The following KCNJ6 variants were observed in gnomAD, a reference collection of about 807,000 sequenced individuals.
The protein encoded by KCNJ6 is potassium inwardly rectifying channel subfamily J member 6, also known as G protein-activated inward rectifier potassium channel 2.
A neutral mutation model predicts 34.2 loss-of-function variants in KCNJ6; 9 were observed. That is an observed-to-expected ratio of 0.26 (90% CI 0.16 to 0.46). KCNJ6 has a LOEUF of 0.46. Among genes scored for constraint, KCNJ6 ranks in the 20% least tolerant of loss-of-function variants. The probability of loss-of-function intolerance (pLI) is 1.00; values close to 1 mark genes in which losing one functional copy is unlikely to be tolerated. For missense variants in KCNJ6, 236 were observed against 531.3 expected (o/e 0.44, Z 5.46); for synonymous variants, 196 against 207.1 (o/e 0.95, Z 0.46).
intron 2 of KCNJ6, among the ~76,000 whole-genome samples, chr21:37,724,259 G>A (rs995659082): frequency 3.9e-5 from 6 of 152,078 alleles, no homozygotes; most frequent in Admixed American, 1.3e-4. Context: ...AGAGCCAGAC[G>A]GTAAATACTT....
chr21:37,836,046 A>T (rs1366869318), intron 2 of KCNJ6, among the ~76,000 whole-genome samples: 2 of 152,254 alleles, frequency 1.3e-5, no homozygotes, highest in African/African-American at 2.4e-5. Context: ...TTTACACGAA[A>T]AAAACAAACA....
chr21:37,882,922 G>A (rs543689617), intron 1 of KCNJ6, among the ~76,000 whole-genome samples: 139 of 152,334 alleles, frequency 9.1e-4, no homozygotes, highest in African/African-American at 3.3e-3. Context: ...GCAAACAAGT[G>A]GGCATGCACA....
At chr21:37,709,525 AAAG>A (rs745812815) in intron 3 of KCNJ6, among the ~76,000 whole-genome samples, 128 of 151,416 alleles carry the variant, frequency 8.5e-4, no homozygotes, top group East Asian at 3.1e-3. Context: ...AAAAAAAAGA[AAAG>A]AAAAGAAAAG....
chr21:37,712,572 T>TC (rs1313936362), intron 3 of KCNJ6, among the ~76,000 whole-genome samples: 1 of 80,410 alleles, frequency 1.2e-5, no homozygotes, highest in Non-Finnish European at 2.4e-5. Flanking sequence ...CTTCTCCTCC[T>TC]CTTCTTCCTC....
At chr21:37,779,399 T>G (rs1007826821) in intron 2 of KCNJ6, among the ~76,000 whole-genome samples, 1 of 152,192 alleles carries the variant, frequency 6.6e-6, no homozygotes, top group Non-Finnish European at 1.5e-5. Context: ...TTTCAAGGTA[T>G]AGCAATGAGA....
intron 1 of KCNJ6, among the ~76,000 whole-genome samples, chr21:37,874,151 A>C (rs539609834): frequency 2.6e-5 from 4 of 152,130 alleles, no homozygotes; most frequent in Non-Finnish European, 4.4e-5. Flanking sequence ...CTGGGCCCGC[A>C]GTAGCACCCA....
At chr21:37,663,548 G>T (rs2054499796) in intron 3 of KCNJ6, among the ~76,000 whole-genome samples, 1 of 151,986 alleles carries the variant, frequency 6.6e-6, no homozygotes, top group African/African-American at 2.4e-5. Context: ...TAAAATAATA[G>T]GAAGGGATAT....
At chr21:37,733,395 G>A (rs563303515) in intron 2 of KCNJ6, among the ~76,000 whole-genome samples, 5 of 152,238 alleles carry the variant, frequency 3.3e-5, no homozygotes, top group East Asian at 3.9e-4. Flanking sequence ...TTGAGCTCTC[G>A]GAGATGGGCA....
chr21:37,626,283 G>A (rs149454100), intron 3 of KCNJ6, among the ~76,000 whole-genome samples: 530 of 151,970 alleles, frequency 3.5e-3, no homozygotes, highest in Middle Eastern at 0.017. Flanking sequence ...GGTGCACACC[G>A]CCATGTCCGA....
At chr21:37,754,606 C>T (rs2055014340) in intron 2 of KCNJ6, among the ~76,000 whole-genome samples, 1 of 152,218 alleles carries the variant, frequency 6.6e-6, no homozygotes, top group Non-Finnish European at 1.5e-5. Flanking sequence ...CATCATGAGC[C>T]TCAATGGACT....
At chr21:37,694,290 A>T (rs2054654125) in intron 3 of KCNJ6, among the ~76,000 whole-genome samples, 1 of 152,164 alleles carries the variant, frequency 6.6e-6, no homozygotes, top group Non-Finnish European at 1.5e-5. Flanking sequence ...GCCTCCCATC[A>T]CCTTCACTCA....
intron 3 of KCNJ6, among the ~76,000 whole-genome samples, chr21:37,691,435 C>T (rs1033096476): frequency 6.6e-6 from 1 of 152,166 alleles, no homozygotes; most frequent in Admixed American, 6.5e-5. Flanking sequence ...CATTTTGACA[C>T]CCTCCCAGCC....
intron 1 of KCNJ6, among the ~76,000 whole-genome samples, chr21:37,913,040 T>C (rs986775806): frequency 3.3e-5 from 5 of 152,212 alleles, no homozygotes; most frequent in African/African-American, 1.2e-4. Flanking sequence ...CAATTCAAAG[T>C]ATACCTTGTA....
chr21:37,779,226 T>A (rs1194801223), intron 2 of KCNJ6, among the ~76,000 whole-genome samples: 1 of 151,856 alleles, frequency 6.6e-6, no homozygotes, highest in African/African-American at 2.4e-5. Context: ...ACTAGAAGAG[T>A]CCTGTGAGGT....
chr21:37,682,635 C>A (rs1292665800), intron 3 of KCNJ6, among the ~76,000 whole-genome samples: 1 of 152,158 alleles, frequency 6.6e-6, no homozygotes, highest in Non-Finnish European at 1.5e-5. Flanking sequence ...AGACCCCTAA[C>A]CTAATTACAT....
Position 37,833,214 on chromosome 21 carries a change from C to A in KCNJ6, c.25+7444G>T, listed in dbSNP as rs369446233. 2.9e-3 allele frequency among the ~76,000 whole-genome samples: 435 copies of A among 152,162 alleles called. 2 individuals are homozygous for A. The highest frequency in any genetic ancestry group is 0.01 in the African/African-American group (423 of 41,512). ...ATTTTTAGTGGAGACGGGGTTTCAC[C>A]ATGTTGGCCAGGCTGGTCTCGAACT... is the stretch of plus-strand genomic sequence containing the variant. On this transcript the variant is annotated intron_variant, in intron 2 of 3. Coordinates refer to ENST00000609713, the MANE Select transcript of KCNJ6 (RefSeq NM_002240.5).
At chr21:37,900,153 C>A (rs2055809526) in intron 1 of KCNJ6, among the ~76,000 whole-genome samples, 1 of 152,202 alleles carries the variant, frequency 6.6e-6, no homozygotes, top group African/African-American at 2.4e-5. Flanking sequence ...AAAGTGCCTA[C>A]CCTTTTTACC....
At chr21:37,899,921 C>T (rs2055808409) in intron 1 of KCNJ6, among the ~76,000 whole-genome samples, 1 of 152,170 alleles carries the variant, frequency 6.6e-6, no homozygotes, top group Non-Finnish European at 1.5e-5. Flanking sequence ...TCCTTTACAA[C>T]TCGCCCAGTT....
chr21:37,721,298 A>T (rs1226949390), intron 2 of KCNJ6, among the ~76,000 whole-genome samples: 1 of 152,238 alleles, frequency 6.6e-6, no homozygotes, highest in Non-Finnish European at 1.5e-5. Context: ...GGATGTAGAG[A>T]AATTGGAATG....
Sources: allele counts gnomAD v4.1 joint callset (sites outside exome capture counted in the v4.1 genomes callset), GRCh38; gene constraint gnomAD v4.1.1; transcripts MANE v1.5; gene names NCBI Gene and HGNC (gene_info 2026-07-23, HGNC 2026-07-21).